Variants in THSD7A observed in about 807,000 individuals in gnomAD.
THSD7A encodes the protein thrombospondin type-1 domain-containing protein 7A.
THSD7A carries 96 observed loss-of-function variants against 231.3 expected under a neutral mutation model. The ratio of observed to expected loss-of-function variants is 0.41; its 90% CI spans 0.35 to 0.49. The LOEUF (loss-of-function observed/expected upper bound fraction) is 0.49. Among genes scored for constraint, THSD7A ranks in the 20% least tolerant of loss-of-function variants. The pLI is 0.05. For synonymous variants in THSD7A, 940 were observed against 743.3 expected, an observed-to-expected ratio of 1.26 and a Z score of -4.30; for missense variants, 2,290 against 2,070.2, an observed-to-expected ratio of 1.11 and a Z score of -2.06.
At chr7:11,828,148 TACAGTGG>T (rs2128188909) in intron 1 of THSD7A, among the ~76,000 whole-genome samples, 1 of 152,354 alleles carries the variant, frequency 6.6e-6, no homozygotes, top group South Asian at 2.1e-4. Flanking sequence ...GCTCAAAGTT[TACAGTGG>T]CTACCACCTA....
At position 11,820,621 on chromosome 7, in the gene THSD7A, G is replaced by GA. The variant is rs1179884420; in HGVS notation, c.190+11135dup. On this transcript the variant is annotated intron_variant, in intron 1 of 27. Transcript: ENST00000423059. ...TGGCCTCTTCCTCTGGCTTGAAATT[G>GA]AAAGTTTCCTCGAGCGCTCTGCCAC... The GA allele has an allele frequency of 5.4e-6, 4 of 742,882 alleles. No homozygotes were observed. The East Asian group carries it at 1.0e-4, about 19-fold the overall frequency. 46.0% of individuals were successfully genotyped at this position (742,882 alleles called of 1,614,324 possible).
At chr7:11,498,065 T>C (rs906251461) in intron 6 of THSD7A, among the ~76,000 whole-genome samples, 1 of 152,142 alleles carries the variant, frequency 6.6e-6, no homozygotes, top group Non-Finnish European at 1.5e-5. Flanking sequence ...GAGCCTTAGA[T>C]ACTTGGGCCT....
chr7:11,540,835 C>A (rs73288813), intron 6 of THSD7A, among the ~76,000 whole-genome samples: 1 of 152,116 alleles, frequency 6.6e-6, no homozygotes, highest in Non-Finnish European at 1.5e-5. Flanking sequence ...AAGAATCTTG[C>A]GGAAAGCCAC....
intron 14 of THSD7A, 75 bp from the exon 15 acceptor site, chr7:11,426,746 A>C: frequency 7.0e-7 from 1 of 1,434,114 alleles, no homozygotes; most frequent in Non-Finnish European, 9.4e-7. Context: ...TGCTATGAGA[A>C]GAACACATGG....
intron 17 of THSD7A, among the ~76,000 whole-genome samples, chr7:11,415,562 T>C (rs562695564): frequency 1.3e-5 from 2 of 152,262 alleles, no homozygotes; most frequent in African/African-American, 2.4e-5. Context: ...GCCTGCATAA[T>C]TGATTTTTCC....
At chr7:11,677,958 CA>C (rs1343251360) in intron 1 of THSD7A, among the ~76,000 whole-genome samples, 1 of 152,128 alleles carries the variant, frequency 6.6e-6, no homozygotes, top group African/African-American at 2.4e-5. Flanking sequence ...AAACACTCCT[CA>C]GCAAATGCAA....
At position 11,541,679 on chromosome 7, in the gene THSD7A, G is replaced by C. The variant is rs763633203; in HGVS notation, c.1610-48C>G. ...ATCTATTGTTACTATCAAAGGTTTA[G>C]TATTTCAGAAAGTTGAATAAAACCT... On this transcript the variant is annotated intron_variant, in intron 5 of 27. Coordinates refer to ENST00000423059, the MANE Select transcript of THSD7A (RefSeq NM_015204.3). 6 of 1,541,480 alleles carry C rather than the reference G, an allele frequency of 3.9e-6. No individual in the cohort carries two copies. The African/African-American group carries it at 4.1e-5, about 11-fold the overall frequency.
chr7:11,660,486 G>C (rs1160739120), intron 1 of THSD7A, among the ~76,000 whole-genome samples: 1 of 151,276 alleles, frequency 6.6e-6, no homozygotes, highest in Non-Finnish European at 1.5e-5. Context: ...ATGTGAAATA[G>C]AAGTGTAACA....
chr7:11,715,579 T>G (rs1309447618), intron 1 of THSD7A, among the ~76,000 whole-genome samples: 4 of 151,480 alleles, frequency 2.6e-5, no homozygotes, highest in Non-Finnish European at 5.9e-5. Flanking sequence ...GCAATAGAAT[T>G]TTGATTTGAG....
intron 16 of THSD7A, among the ~76,000 whole-genome samples, chr7:11,420,475 G>A (rs1784107050): frequency 6.6e-6 from 1 of 152,240 alleles, no homozygotes; most frequent in Non-Finnish European, 1.5e-5. Flanking sequence ...TGCACAAAAG[G>A]TAAGAGTTCA....
chr7:11,454,553 C>T (rs1208567545), intron 11 of THSD7A, among the ~76,000 whole-genome samples: 1 of 149,554 alleles, frequency 6.7e-6, no homozygotes, highest in Non-Finnish European at 1.5e-5. Flanking sequence ...TATGCCGTAT[C>T]AGTGGTTATC....
chr7:11,508,988 A>C (rs1787677275), intron 6 of THSD7A, among the ~76,000 whole-genome samples: 1 of 152,226 alleles, frequency 6.6e-6, no homozygotes. Context: ...AAGCCAGATT[A>C]ATAAACTCTA....
chr7:11,750,612 A>G (rs189724895), intron 1 of THSD7A, among the ~76,000 whole-genome samples: 224 of 152,086 alleles, frequency 1.5e-3, no homozygotes, highest in Non-Finnish European at 2.6e-3. Flanking sequence ...GCCATTATCA[A>G]ACAGAGGCCC....
rs1004239355 is a variant in THSD7A, at chr7:11,636,152, T to C, written c.1000A>G (p.Thr334Ala). 8.7e-6 allele frequency: 14 copies of C among 1,611,608 alleles called. No individual in the cohort carries two copies. The highest frequency in any genetic ancestry group is 1.2e-5 in the Non-Finnish European group (14 of 1,178,820). Residue 334 changes from threonine (T) to alanine (A), a missense_variant, in exon 2 of 28, where the codon ACG (threonine) becomes GCG (alanine). Transcript: ENST00000423059. This position sits in a 1 kb window ranked among gnomAD's most constrained non-coding sequence, Gnocchi z 10.0. ...TACCTTAAATCAGCAGCTTTCCCCG[T>C]CTTGTTAATGCACATAACCTCTCTG... ...QTREVMCINK[T>A]GKAADLSFCQ... is the part of the protein sequence containing the mutation.
intron 4 of THSD7A, among the ~76,000 whole-genome samples, chr7:11,546,534 G>C (rs1295268130): frequency 6.6e-6 from 1 of 152,062 alleles, no homozygotes; most frequent in African/African-American, 2.4e-5. Context: ...AACCCTCAAG[G>C]ACATCAAAGA....
In THSD7A at chr7:11,424,743, C is replaced by G; in HGVS notation, c.3336G>C (p.Val1112=). 1 of 1,613,990 alleles carries G rather than the reference C, an allele frequency of 6.2e-7. No individual in the cohort carries two copies. ...CCTCTCCACAGTTCTCCCGCATATT[C>G]ACAAAGGTCACCTTGCAGATGCTCC... is the stretch of plus-strand genomic sequence containing the variant. The part of the protein sequence containing the change: ...EPWSICKVTF[V]NMRENCGEGV... Residue 1112 remains valine (V), a synonymous_variant, in exon 16 of 28, where the codon GTG becomes GTC. Transcript: ENST00000423059.
chr7:11,742,904 A>G (rs897456021), intron 1 of THSD7A, among the ~76,000 whole-genome samples: 43 of 151,908 alleles, frequency 2.8e-4, no homozygotes, highest in Non-Finnish European at 4.3e-4. Context: ...GAGGTTTACA[A>G]TACAAACTGC....
intron 1 of THSD7A, among the ~76,000 whole-genome samples, chr7:11,827,802 G>C (rs961293580): frequency 2.6e-5 from 4 of 152,156 alleles, no homozygotes; most frequent in African/African-American, 9.7e-5. Context: ...CTCAAGCTCA[G>C]TATATCTGAA....
intron 2 of THSD7A, among the ~76,000 whole-genome samples, chr7:11,603,743 T>A (rs537886821): frequency 1.3e-5 from 2 of 150,918 alleles, no homozygotes; most frequent in African/African-American, 4.9e-5. Context: ...ATGGATGAAA[T>A]TGGAAATCAT....
Sources: gnomAD v4.1 joint callset for allele counts (sites outside exome capture counted in the v4.1 genomes callset) on GRCh38, gnomAD v4.1.1 for gene constraint, Gnocchi (gnomAD v3.1) non-coding constraint, MANE v1.5 for transcripts, NCBI Gene and HGNC (gene_info 2026-07-23, HGNC 2026-07-21) for gene names.